The following ITGAE variants were observed in gnomAD, a reference collection of about 807,000 sequenced individuals.
ITGAE encodes the protein integrin alpha-E.
Under a neutral mutation model 136.5 loss-of-function variants are expected in ITGAE, and 99 were observed. The ratio of observed to expected loss-of-function variants is 0.73; its 90% CI spans 0.62 to 0.86. The LOEUF is 0.86. Among genes scored for constraint, ITGAE ranks in the 40% least tolerant of loss-of-function variants. ITGAE has a pLI of 0.00. For synonymous variants in ITGAE, 613 were observed against 591.8 expected (o/e 1.04, Z -0.52); for missense variants, 1,447 against 1,515.3 (o/e 0.95, Z 0.75).
rs759395490 is a variant in ITGAE at position 3,734,769 on chromosome 17, G to A, written c.2655+48C>T. On this transcript the variant is annotated intron_variant, in intron 21 of 30. Transcript: ENST00000263087. ...CACCACAGAAAAGCAGGCATGCAGCGAGGGAGGGGCGTGAGGGACCTGTTT... is the reference window on the plus strand; with the variant it reads ...CACCACAGAAAAGCAGGCATGCAGCAAGGGAGGGGCGTGAGGGACCTGTTT... The A allele has an allele frequency of 7.9e-5, 127 of 1,610,208 alleles. No individual in the cohort carries two copies. In the Admixed American group the frequency reaches 1.9e-3, roughly 24 times the overall value.
At chr17:3,772,323 T>C (rs1482845828) in intron 2 of ITGAE, among the ~76,000 whole-genome samples, 3 of 152,194 alleles carry the variant, frequency 2.0e-5, no homozygotes, top group African/African-American at 7.2e-5. Context: ...GGGAGCTCCA[T>C]GAAGGCAGTG....
At chr17:3,730,061 C>T (rs928538156) in intron 23 of ITGAE, among the ~76,000 whole-genome samples, 1 of 152,178 alleles carries the variant, frequency 6.6e-6, no homozygotes, top group African/African-American at 2.4e-5. Context: ...CTCCCACAGG[C>T]CCCAGTGTGT....
At chr17:3,788,945 G>C (rs948274172) in intron 1 of ITGAE, among the ~76,000 whole-genome samples, 1 of 151,342 alleles carries the variant, frequency 6.6e-6, no homozygotes, top group Non-Finnish European at 1.5e-5. Context: ...ATTTACAAGA[G>C]AGAGAAAAAT....
chr17:3,725,169 C>G, intron 26 of ITGAE: 1 of 1,614,208 alleles, frequency 6.2e-7, no homozygotes, highest in Non-Finnish European at 8.5e-7. Context: ...TGCCACTTCT[C>G]TCTCTGGATC....
rs192663035 is a variant in ITGAE at position 3,746,279 on chromosome 17, G to A, written c.2156-352C>T. On this transcript the variant is annotated intron_variant, in intron 17 of 30. Transcript: ENST00000263087. ...ATGGAGAGGGAAAGAGGGACTCTGC[G>A]GAGAAAAACCCCAGGACGGCACAGC... is the stretch of plus-strand genomic sequence containing the variant. Among the ~76,000 whole-genome samples the A allele has an allele frequency of 3.6e-3, 554 of 151,866 alleles. 4 individuals are homozygous for A. Among genetic ancestry groups the A allele is most frequent in the African/African-American group, 0.013 (519 of 41,432 alleles).
intron 1 of ITGAE, among the ~76,000 whole-genome samples, chr17:3,797,727 C>G (rs192185273): frequency 6.6e-6 from 1 of 152,118 alleles, no homozygotes; most frequent in African/African-American, 2.4e-5. Context: ...TCCCATAGTG[C>G]TGGGATTTCA....
chr17:3,767,916 TGAG>T (rs998849094), intron 2 of ITGAE, among the ~76,000 whole-genome samples: 6 of 152,012 alleles, frequency 3.9e-5, no homozygotes, highest in Non-Finnish European at 5.9e-5. Flanking sequence ...GCTGCAGGCT[TGAG>T]GAGGAGGAGG....
chr17:3,785,920 A>T (rs1043147733), intron 1 of ITGAE, among the ~76,000 whole-genome samples: 5 of 151,820 alleles, frequency 3.3e-5, no homozygotes, highest in African/African-American at 9.7e-5. Context: ...GTAATCCCAG[A>T]ACTTTGGGAG....
chr17:3,728,033 A>G lies in ITGAE; in HGVS notation c.2977-7T>C. On this transcript the variant is annotated splice_region_variant and splice_polypyrimidine_tract_variant and intron_variant, in intron 25 of 30. Coordinates refer to ENST00000263087, the MANE Select transcript of ITGAE (RefSeq NM_002208.5). ...AGAGGTTCTCCCCATGTACCTGCAA[A>G]TTAAAATCAGAGTAGGAAATCAAAG... 6.2e-7 allele frequency: 1 copy of G among 1,612,348 alleles called. No homozygotes were observed. The highest frequency in any genetic ancestry group is 8.5e-7 in the Non-Finnish European group (1 of 1,178,358).
At chr17:3,720,657 C>G (rs1215071670) in intron 28 of ITGAE, 2 of 288,528 alleles carry the variant, frequency 6.9e-6, no homozygotes, top group Admixed American at 1.1e-4. Flanking sequence ...TCTCGGCTCA[C>G]TGCAACCTCC....
At chr17:3,725,331 G>GA (rs749371761) in intron 26 of ITGAE, 2 of 1,614,230 alleles carry the variant, frequency 1.2e-6, no homozygotes, top group South Asian at 2.2e-5. Context: ...GGTTTATGGG[G>GA]AATGCAGTCA....
intron 27 of ITGAE, 74 bp from the exon 28 acceptor site, chr17:3,723,457 A>G: frequency 8.6e-7 from 1 of 1,167,646 alleles, no homozygotes; most frequent in Non-Finnish European, 1.3e-6. Context: ...CACTTCGGAC[A>G]CAGAGCATCG....
At chr17:3,750,263 C>T in intron 16 of ITGAE, 89 bp downstream of exon 16, 1 of 1,530,346 alleles carries the variant, frequency 6.5e-7, no homozygotes, top group Non-Finnish European at 8.8e-7. Flanking sequence ...CTCCCTCCCT[C>T]AGTGCCTAAT....
intron 1 of ITGAE, among the ~76,000 whole-genome samples, chr17:3,795,921 GTGTGCATCCGTGT>G (rs2053064327): frequency 6.8e-6 from 1 of 146,036 alleles, no homozygotes; most frequent in African/African-American, 2.7e-5. Flanking sequence ...GCATCCGTGT[GTGTGCATCCGTGT>G]GTGTGCATCC....
At chr17:3,797,202 G>T (rs1450753360) in intron 1 of ITGAE, among the ~76,000 whole-genome samples, 2 of 126,170 alleles carry the variant, frequency 1.6e-5, no homozygotes, top group African/African-American at 3.0e-5. Context: ...GTCTCGCTCT[G>T]TCGCCCAGGC....
intron 1 of ITGAE, among the ~76,000 whole-genome samples, chr17:3,787,486 G>A (rs571533386): frequency 9.9e-4 from 150 of 152,036 alleles, no homozygotes; most frequent in Non-Finnish European, 1.8e-3. Flanking sequence ...TTCATACACC[G>A]GCCTTAAGCA....
intron 3 of ITGAE, among the ~76,000 whole-genome samples, chr17:3,763,306 G>GTTCATTCA (rs55992020): frequency 0.41 from 61,551 of 150,522 alleles, 13,331 homozygotes; most frequent in Non-Finnish European, 0.5. Flanking sequence ...AGTGAATCAG[G>GTTCATTCA]TTCATTCATT....
intron 16 of ITGAE, among the ~76,000 whole-genome samples, chr17:3,748,819 A>G (rs2051786013): frequency 6.6e-6 from 1 of 152,086 alleles, no homozygotes; most frequent in Non-Finnish European, 1.5e-5. Flanking sequence ...CATGCCTGGA[A>G]TCTAATTAGT....
intron 27 of ITGAE, 129 bp downstream of exon 27, chr17:3,723,559 G>T: frequency 9.1e-7 from 1 of 1,096,348 alleles, no homozygotes; most frequent in Non-Finnish European, 1.3e-6. Context: ...CAGGGACGAA[G>T]CTAGGGAGGG....
Sources: gnomAD v4.1 joint callset for allele counts (sites outside exome capture counted in the v4.1 genomes callset) on GRCh38, gnomAD v4.1.1 for gene constraint, MANE v1.5 for transcripts, NCBI Gene and HGNC (gene_info 2026-07-23, HGNC 2026-07-21) for gene names.